ARHGAP28: variants seen among roughly 807,000 people sequenced by gnomAD.
ARHGAP28 encodes Rho GTPase activating protein 28.
A neutral mutation model predicts 90.7 loss-of-function variants in ARHGAP28; 56 were observed. That is an observed-to-expected ratio of 0.62 (90% CI 0.50 to 0.77). ARHGAP28 has a LOEUF of 0.77. ARHGAP28 is among the 30% of genes least tolerant of loss of function. The pLI, the probability that ARHGAP28 is intolerant of heterozygous loss-of-function variation, is 0.00. For synonymous variants in ARHGAP28, 308 were observed against 323.3 expected, an observed-to-expected ratio of 0.95 and a Z score of 0.51; for missense variants, 869 against 900.9, an observed-to-expected ratio of 0.96 and a Z score of 0.45.
At chr18:6,877,497 G>A (rs746751122) in intron 10 of ARHGAP28, among the ~76,000 whole-genome samples, 1 of 152,232 alleles carries the variant, frequency 6.6e-6, no homozygotes, top group Non-Finnish European at 1.5e-5. Context: ...TCCAGAAGGG[G>A]CCCACAGCTG....
rs752833545 is a variant in ARHGAP28 at position 6,876,131 on chromosome 18, T to G, written c.1213T>G (p.Phe405Val). The G allele has an allele frequency of 6.2e-7, 1 of 1,613,060 alleles. No homozygotes were observed. The highest frequency in any genetic ancestry group is 1.1e-5 in the South Asian group (1 of 91,052). The stretch of plus-strand genomic sequence containing the variant: ...CTGGTAATATATCATTGCTTTCTAG[T>G]TTTTTGAGAAAGTTGAGGAATCAGG... ...GVKVPLVLQK[F>V]FEKVEESGLE... The change falls in exon 10 of 18, where the codon TTT (phenylalanine) becomes GTT (valine). Residue 405 changes from phenylalanine (F) to valine (V), a missense_variant and splice_region_variant. Phe to Val is a conservative substitution (Grantham distance 50). Coordinates refer to ENST00000383472, the MANE Select transcript of ARHGAP28 (RefSeq NM_001366230.1).
intron 2 of ARHGAP28, among the ~76,000 whole-genome samples, chr18:6,834,912 G>C (rs531113703): frequency 6.6e-6 from 1 of 152,322 alleles, no homozygotes; most frequent in African/African-American, 2.4e-5. Context: ...AATTGGGAGT[G>C]AGAAATACGA....
chr18:6,898,673 G>A, intron 16 of ARHGAP28: 1 of 1,444,352 alleles, frequency 6.9e-7, no homozygotes, highest in Non-Finnish European at 9.1e-7. Context: ...CTCTCAAGTA[G>A]ACCTTTCGTA....
At chr18:6,841,181 C>T (rs1468843431) in intron 3 of ARHGAP28, among the ~76,000 whole-genome samples, 11 of 21,326 alleles carry the variant, frequency 5.2e-4, no homozygotes, top group East Asian at 2.3e-3. Context: ...TCTCTCTCTC[C>T]TCTCTCTCTC....
At chr18:6,729,969 C>T in intron 1 of ARHGAP28, 26 bp downstream of exon 1, 1 of 1,324,422 alleles carries the variant, frequency 7.6e-7, no homozygotes, top group Non-Finnish European at 9.6e-7. Flanking sequence ...CCCACCAGGG[C>T]GGCGCAGTCG....
intron 2 of ARHGAP28, among the ~76,000 whole-genome samples, chr18:6,827,875 C>CG (rs1238488301): frequency 2.0e-5 from 3 of 150,888 alleles, no homozygotes; most frequent in Non-Finnish European, 4.4e-5. Flanking sequence ...GATGGGCGGC[C>CG]GGGAAGAGGC....
intron 1 of ARHGAP28, among the ~76,000 whole-genome samples, chr18:6,746,318 C>T (rs35428251): frequency 0.12 from 19,013 of 152,136 alleles, 1,364 homozygotes; most frequent in South Asian, 0.26. Context: ...ATATTTTAGG[C>T]TTTGCTGGTT....
chr18:6,802,047 A>G (rs1308055297), intron 1 of ARHGAP28, among the ~76,000 whole-genome samples: 2 of 152,164 alleles, frequency 1.3e-5, no homozygotes, highest in African/African-American at 4.8e-5. Context: ...ATTTAACATA[A>G]TGACGTCCAG....
At chr18:6,745,977 T>A (rs2056019944) in intron 1 of ARHGAP28, among the ~76,000 whole-genome samples, 1 of 152,184 alleles carries the variant, frequency 6.6e-6, no homozygotes, top group South Asian at 2.1e-4. Flanking sequence ...GGACACTGCA[T>A]CTGGAGACTC....
At chr18:6,854,433 G>A (rs2143304249) in intron 4 of ARHGAP28, among the ~76,000 whole-genome samples, 1 of 151,974 alleles carries the variant, frequency 6.6e-6, no homozygotes. Flanking sequence ...GCACGTAGTG[G>A]GTCTTTTCTG....
In ARHGAP28 at chr18:6,759,132, A is replaced by G. The variant is rs371192519; in HGVS notation, c.122+29189A>G. ...TTATTTCACCGTTGATACCTTACAT[A>G]TAGTTGGAAAGGAGGCAAATTCAGA... On this transcript the variant is annotated intron_variant, in intron 1 of 17. Coordinates refer to ENST00000383472, the MANE Select transcript of ARHGAP28 (RefSeq NM_001366230.1). Among the ~76,000 whole-genome samples the G allele has an allele frequency of 1.8e-4, 27 of 152,278 alleles. No individual in the cohort carries two copies. The East Asian group carries it at 2.5e-3, about 14-fold the overall frequency.
chr18:6,756,919 G>A (rs544424406), intron 1 of ARHGAP28, among the ~76,000 whole-genome samples: 16 of 152,114 alleles, frequency 1.1e-4, no homozygotes, highest in African/African-American at 1.7e-4. Flanking sequence ...TGCTAGCTGC[G>A]CTGGCAGTTG....
At chr18:6,813,696 G>T (rs914117617) in intron 1 of ARHGAP28, among the ~76,000 whole-genome samples, 1 of 152,074 alleles carries the variant, frequency 6.6e-6, no homozygotes, top group African/African-American at 2.4e-5. Context: ...GTATAAATAG[G>T]CAGGAGACGG....
Position 6,818,538 on chromosome 18 carries a change from T to C in ARHGAP28, c.123-6224T>C, listed in dbSNP as rs1473822279. Among the ~76,000 whole-genome samples the C allele has an allele frequency of 1.3e-5, 2 of 151,892 alleles. 1 individual carries two copies. Among genetic ancestry groups the C allele is most frequent in the South Asian group, 4.2e-4 (2 of 4,796 alleles). On this transcript the variant is annotated intron_variant, in intron 1 of 17. Coordinates refer to ENST00000383472, the MANE Select transcript of ARHGAP28 (RefSeq NM_001366230.1). Reference sequence around the variant, plus strand: ...ACCCCCCCAAAACAAAGTAAGCAAATGAGTGCATGAAGTGTTTATTATTGA... The same window carrying C: ...ACCCCCCCAAAACAAAGTAAGCAAACGAGTGCATGAAGTGTTTATTATTGA...
At chr18:6,733,559 T>C (rs1600136462) in intron 1 of ARHGAP28, among the ~76,000 whole-genome samples, 1 of 152,312 alleles carries the variant, frequency 6.6e-6, no homozygotes, top group Admixed American at 6.5e-5. Flanking sequence ...TCTTTCAAAG[T>C]TTTCTTAGGA....
chr18:6,873,431 G>A lies in ARHGAP28; in HGVS notation c.977G>A (p.Arg326Lys). Residue 326 changes from arginine to lysine, a missense_variant, in exon 8 of 18, where the codon AGA (arginine) becomes AAA (lysine). By Grantham distance (26) the Arg-to-Lys change is conservative (BLOSUM62 2). Transcript: ENST00000383472. Reference sequence around the variant, plus strand: ...TAGAAATTTAATGTTCAGAAAACCAGATTTGGCTTAACTGAAGCAGGAGAT... The same window carrying A: ...TAGAAATTTAATGTTCAGAAAACCAAATTTGGCTTAACTGAAGCAGGAGAT... ...VLTKFNVQKTRFGLTEAGDLS... is the reference protein window; with the variant it reads ...VLTKFNVQKTKFGLTEAGDLS... 1 of 1,607,970 alleles carries A rather than the reference G, an allele frequency of 6.2e-7. No individual in the cohort carries two copies. Among genetic ancestry groups the A allele is most frequent in the Non-Finnish European group, 8.5e-7 (1 of 1,178,658 alleles).
chr18:6,808,483 G>C (rs1039645355), intron 1 of ARHGAP28, among the ~76,000 whole-genome samples: 1 of 151,524 alleles, frequency 6.6e-6, no homozygotes, highest in Non-Finnish European at 1.5e-5. Context: ...ATTGGATTTT[G>C]GAAGTTGTCA....
rs1323080465 is a variant in ARHGAP28 at position 6,771,514 on chromosome 18, AT to A, written c.122+41573del. Among the ~76,000 whole-genome samples, 6 of 152,324 alleles carry A rather than the reference AT, an allele frequency of 3.9e-5. No individual in the cohort carries two copies. In the East Asian group the frequency reaches 1.2e-3, roughly 29 times the overall value. ...GAGCGTTCCTTAGAAGTGAGAGGGAATTATGTTCCACATGATCTTTTGAGAT... is the reference window on the plus strand; with the variant it reads ...GAGCGTTCCTTAGAAGTGAGAGGGAATATGTTCCACATGATCTTTTGAGAT... On this transcript the variant is annotated intron_variant, in intron 1 of 17. Coordinates refer to ENST00000383472, the MANE Select transcript of ARHGAP28 (RefSeq NM_001366230.1).
chr18:6,865,730 G>T (rs1600262062), intron 5 of ARHGAP28, among the ~76,000 whole-genome samples: 1 of 152,144 alleles, frequency 6.6e-6, no homozygotes, highest in Non-Finnish European at 1.5e-5. Flanking sequence ...AACTATAGCA[G>T]ATAGTACCAG....
Sources: gnomAD v4.1 joint callset for allele counts (sites outside exome capture counted in the v4.1 genomes callset) on GRCh38, gnomAD v4.1.1 for gene constraint, MANE v1.5 for transcripts, NCBI Gene and HGNC (gene_info 2026-07-23, HGNC 2026-07-21) for gene names.